Variants in CHCHD3 observed in about 807,000 individuals in gnomAD.
CHCHD3 encodes the protein coiled-coil-helix-coiled-coil-helix domain containing 3.
Under a neutral mutation model 38.2 loss-of-function variants are expected in CHCHD3, and 20 were observed. That is an observed-to-expected ratio of 0.52 (90% confidence interval 0.37 to 0.76). The LOEUF (loss-of-function observed/expected upper bound fraction) is 0.76. Among genes scored for constraint, CHCHD3 ranks in the 30% least tolerant of loss-of-function variants. The pLI, the probability that CHCHD3 is intolerant of heterozygous loss-of-function variation, is 0.00. For missense variants in CHCHD3, 245 were observed against 279.2 expected, an observed-to-expected ratio of 0.88 and a Z score of 0.87; for synonymous variants, 82 against 100.0, an observed-to-expected ratio of 0.82 and a Z score of 1.07.
intron 4 of CHCHD3, among the ~76,000 whole-genome samples, chr7:132,936,559 A>G (rs1304727341): frequency 2.0e-5 from 3 of 152,202 alleles, no homozygotes; most frequent in African/African-American, 7.2e-5. Context: ...CTTTTCTATC[A>G]GGCCCATAAA....
Position 132,892,863 on chromosome 7 carries a change from G to A in CHCHD3, c.370-7118C>T, listed in dbSNP as rs919974333. Among the ~76,000 whole-genome samples, 2 of 152,232 alleles carry A rather than the reference G, an allele frequency of 1.3e-5. 1 individual carries two copies. The highest frequency in any genetic ancestry group is 4.1e-4 in the South Asian group (2 of 4,830). The stretch of plus-strand genomic sequence containing the variant: ...ACAGAAGTCAAGAATTGAGGTTTGC[G>A]AACCTCCACCTAGATTTCAGAGGAT... On this transcript the variant is annotated intron_variant, in intron 4 of 7. Transcript: ENST00000262570.
chr7:132,908,039 G>A (rs1809840247), intron 4 of CHCHD3, among the ~76,000 whole-genome samples: 2 of 152,124 alleles, frequency 1.3e-5, no homozygotes, highest in East Asian at 3.9e-4. Context: ...TAGGCAATTT[G>A]AAGATAGGCC....
chr7:132,807,280 C>G (rs1287816949), intron 6 of CHCHD3, among the ~76,000 whole-genome samples: 1 of 152,084 alleles, frequency 6.6e-6, no homozygotes, highest in African/African-American at 2.4e-5. Context: ...AAGGGATACT[C>G]CAGGTCCTCT....
At chr7:132,848,323 AC>A (rs1808132432) in intron 5 of CHCHD3, among the ~76,000 whole-genome samples, 1 of 152,188 alleles carries the variant, frequency 6.6e-6, no homozygotes, top group Non-Finnish European at 1.5e-5. Context: ...TATAATCCTC[AC>A]CCAGGAACTA....
chr7:132,990,529 T>C (rs1343598477), intron 3 of CHCHD3, among the ~76,000 whole-genome samples: 1 of 152,110 alleles, frequency 6.6e-6, no homozygotes, highest in East Asian at 1.9e-4. Context: ...AGACAGAAAC[T>C]AGGGCAATAA....
chr7:132,884,454 A>T (rs1448874413), intron 5 of CHCHD3, among the ~76,000 whole-genome samples: 1 of 152,166 alleles, frequency 6.6e-6, no homozygotes, highest in South Asian at 2.1e-4. Context: ...CTGCTGGCAC[A>T]AGACCAGGGT....
intron 6 of CHCHD3, among the ~76,000 whole-genome samples, chr7:132,809,212 T>G (rs1384034243): frequency 1.3e-5 from 2 of 152,018 alleles, no homozygotes; most frequent in Non-Finnish European, 2.9e-5. Context: ...CTGCCCTTCT[T>G]GGCCTCCCAA....
At chr7:132,803,326 A>G (rs1806835567) in intron 6 of CHCHD3, among the ~76,000 whole-genome samples, 1 of 152,186 alleles carries the variant, frequency 6.6e-6, no homozygotes, top group Admixed American at 6.5e-5. Flanking sequence ...GAATATCTCA[A>G]TTAGGTTTCA....
intron 5 of CHCHD3, among the ~76,000 whole-genome samples, chr7:132,884,252 A>G (rs1809148828): frequency 6.6e-6 from 1 of 151,904 alleles, no homozygotes; most frequent in Non-Finnish European, 1.5e-5. Flanking sequence ...CCTCTTCCCA[A>G]ATGTCATCTC....
chr7:132,888,995 T>G (rs1809292408), intron 4 of CHCHD3, among the ~76,000 whole-genome samples: 1 of 152,098 alleles, frequency 6.6e-6, no homozygotes, highest in East Asian at 1.9e-4. Flanking sequence ...TTATTTGGAC[T>G]GTTTCTTATT....
intron 4 of CHCHD3, among the ~76,000 whole-genome samples, chr7:132,930,198 G>A (rs897095192): frequency 1.5e-5 from 2 of 132,940 alleles, no homozygotes; most frequent in Non-Finnish European, 3.1e-5. Context: ...CAGGAGTCTC[G>A]TTCTGTTACC....
At position 132,847,454 on chromosome 7, in the gene CHCHD3, G is replaced by C. The variant is rs1808104947; in HGVS notation, c.454-8985C>G. 4 of 152,238 alleles carry C rather than the reference G, an allele frequency of 2.6e-5. No individual in the cohort carries two copies. The South Asian group carries it at 8.3e-4, about 32-fold the overall frequency. The allele number at this position is 152,238 out of a possible 1,614,324, so 9.4% of individuals were successfully genotyped here. On this transcript the variant is annotated intron_variant, in intron 5 of 7. Transcript: ENST00000262570. Reference sequence around the variant, plus strand: ...CTCTCCTTAAACTAATTTGGGGTATGGGGGGGATTTACCCATCTGGTATCT... The same window carrying C: ...CTCTCCTTAAACTAATTTGGGGTATCGGGGGGATTTACCCATCTGGTATCT...
chr7:132,989,098 T>C (rs576964811), intron 3 of CHCHD3, among the ~76,000 whole-genome samples: 210 of 152,252 alleles, frequency 1.4e-3, no homozygotes, highest in African/African-American at 4.5e-3. Context: ...CTATTTTATA[T>C]AAGGAACTTG....
intron 5 of CHCHD3, among the ~76,000 whole-genome samples, chr7:132,869,599 G>A (rs1351108654): frequency 6.6e-6 from 1 of 152,070 alleles, no homozygotes; most frequent in Admixed American, 6.6e-5. Flanking sequence ...TCCATGACTT[G>A]CTTTAGAGTC....
intron 4 of CHCHD3, chr7:132,887,045 T>A: frequency 1.0e-6 from 1 of 977,500 alleles, no homozygotes; most frequent in Non-Finnish European, 1.3e-6. Flanking sequence ...TACTGTTTTT[T>A]CCTAATTTCA....
intron 6 of CHCHD3, among the ~76,000 whole-genome samples, chr7:132,824,314 CTTTTTTTTTTT>C (rs57262694): frequency 1.1e-5 from 1 of 90,132 alleles, no homozygotes. Context: ...TAGTAGAACT[CTTTTTTTTTTT>C]TTTTTTTTTT....
chr7:132,976,481 C>T (rs1306637048), intron 3 of CHCHD3, among the ~76,000 whole-genome samples: 2 of 152,018 alleles, frequency 1.3e-5, no homozygotes, highest in African/African-American at 4.8e-5. Flanking sequence ...TGCCATAGTG[C>T]CTGGCACATA....
At chr7:132,809,825 T>C (rs1478489222) in intron 6 of CHCHD3, among the ~76,000 whole-genome samples, 1 of 152,222 alleles carries the variant, frequency 6.6e-6, no homozygotes, top group East Asian at 1.9e-4. Context: ...TTTCTTCTCT[T>C]GGATAAGGGC....
At chr7:132,825,268 G>A (rs574747866) in intron 6 of CHCHD3, among the ~76,000 whole-genome samples, 10 of 152,190 alleles carry the variant, frequency 6.6e-5, no homozygotes, top group Non-Finnish European at 1.5e-4. Context: ...ATGCCATTGA[G>A]CTCACTAGGG....
Sources: allele counts gnomAD v4.1 joint callset (sites outside exome capture counted in the v4.1 genomes callset), GRCh38; gene constraint gnomAD v4.1.1; transcripts MANE v1.5; gene names NCBI Gene and HGNC (gene_info 2026-07-23, HGNC 2026-07-21).